DAPK1: variants seen among roughly 807,000 people sequenced by gnomAD.
DAPK1 encodes the protein death-associated protein kinase 1.
DAPK1 carries 56 observed loss-of-function variants against 144.9 expected under a neutral mutation model. The ratio of observed to expected loss-of-function variants is 0.39; its 90% CI spans 0.31 to 0.48. The LOEUF (loss-of-function observed/expected upper bound fraction) is 0.48, where lower values mean the gene tolerates loss of function less well. DAPK1 is among the 20% of genes least tolerant of loss of function. The pLI is 0.95. For missense variants in DAPK1, 1,454 were observed against 1,875.4 expected, an observed-to-expected ratio of 0.78 and a Z score of 4.15; for synonymous variants, 690 against 749.0, an observed-to-expected ratio of 0.92 and a Z score of 1.29.
intron 2 of DAPK1, among the ~76,000 whole-genome samples, chr9:87,542,820 CTCACTG>C (rs1826102567): frequency 1.3e-5 from 2 of 152,214 alleles, no homozygotes; most frequent in Non-Finnish European, 1.5e-5. Context: ...TATGGAACCC[CTCACTG>C]GGCCTTCAGC....
chr9:87,703,179 C>G lies in DAPK1; in HGVS notation c.3022C>G (p.Leu1008Val). The change falls in exon 25 of 26, where the codon CTC (leucine) becomes GTC (valine). Residue 1008 changes from leucine to valine, a missense_variant. Physicochemically the swap from Leu to Val is conservative, Grantham distance 32. Coordinates refer to ENST00000408954, the MANE Select transcript of DAPK1 (RefSeq NM_004938.4). ...GAACCCCCTGGCCAGCGAGGAGGAC[C>G]TCAGGCGCATTGCTCAGCAGCTCCA... The part of the protein sequence containing the change: ...QLNPLASEED[L>V]RRIAQQLHST... 6.2e-7 allele frequency: 1 copy of G among 1,612,848 alleles called. No individual in the cohort carries two copies. Among genetic ancestry groups the G allele is most frequent in the African/African-American group, 1.3e-5 (1 of 75,044 alleles).
chr9:87,637,588 G>A (rs1296331672), intron 3 of DAPK1, among the ~76,000 whole-genome samples: 1 of 152,096 alleles, frequency 6.6e-6, no homozygotes, highest in Non-Finnish European at 1.5e-5. Context: ...TACAAAGCTG[G>A]CTTGCAGATT....
At chr9:87,650,434 A>G (rs938023237) in intron 16 of DAPK1, 3 of 292,812 alleles carry the variant, frequency 1.0e-5, no homozygotes, top group Admixed American at 4.9e-5. Flanking sequence ...TTGAGGACTG[A>G]CATTGGCAAC....
chr9:87,639,101 GT>G (rs1434884577), intron 4 of DAPK1, among the ~76,000 whole-genome samples: 2 of 152,076 alleles, frequency 1.3e-5, no homozygotes, highest in Non-Finnish European at 2.9e-5. Flanking sequence ...TCTGTTTCCT[GT>G]ATCTCCTTTC....
intron 25 of DAPK1, among the ~76,000 whole-genome samples, chr9:87,704,575 C>T (rs779491812): frequency 6.6e-6 from 1 of 152,208 alleles, no homozygotes; most frequent in Non-Finnish European, 1.5e-5. Context: ...TCCCACACTA[C>T]GTTTAGCTGA....
At chr9:87,512,788 G>T (rs1824899199) in intron 2 of DAPK1, among the ~76,000 whole-genome samples, 2 of 152,126 alleles carry the variant, frequency 1.3e-5, no homozygotes, top group African/African-American at 4.8e-5. Context: ...TTACAGGTGT[G>T]TGCCACCATG....
At chr9:87,662,567 T>TTTTTTTTTTTTTTTTTTTG in intron 18 of DAPK1, among the ~76,000 whole-genome samples, 3 of 129,274 alleles carry the variant, frequency 2.3e-5, no homozygotes, top group East Asian at 2.7e-4. Flanking sequence ...CTAGTTTTTT[T>TTTTTTTTTTTTTTTTTTTG]TTTTTTTTTT....
chr9:87,670,669 A>G (rs555767973), intron 19 of DAPK1, among the ~76,000 whole-genome samples: 2 of 152,252 alleles, frequency 1.3e-5, no homozygotes, highest in East Asian at 3.9e-4. Context: ...CAGCTCACAC[A>G]GCGCCAGCAC....
In DAPK1 at chr9:87,509,656, G is replaced by A. The variant is rs571785511; in HGVS notation, c.62+10517G>A. Among the ~76,000 whole-genome samples, 18 of 152,346 alleles carry A rather than the reference G, an allele frequency of 1.2e-4. 1 individual carries two copies. Among genetic ancestry groups the A allele is most frequent in the South Asian group, 4.1e-4 (2 of 4,828 alleles). On this transcript the variant is annotated intron_variant, in intron 2 of 25. Coordinates refer to ENST00000408954, the MANE Select transcript of DAPK1 (RefSeq NM_004938.4). ...ATTACAGGCGTGAGCCACCGCGCCCGGCCATCCTGCCAGCGTTTTCTTCTG... is the reference window on the plus strand; with the variant it reads ...ATTACAGGCGTGAGCCACCGCGCCCAGCCATCCTGCCAGCGTTTTCTTCTG...
intron 2 of DAPK1, among the ~76,000 whole-genome samples, chr9:87,505,203 C>G (rs1490987565): frequency 6.6e-6 from 1 of 152,194 alleles, no homozygotes; most frequent in Admixed American, 6.5e-5. Context: ...AACTTTCATC[C>G]TTCATTCTAG....
At chr9:87,694,803 C>T (rs964217665) in intron 21 of DAPK1, among the ~76,000 whole-genome samples, 1 of 152,140 alleles carries the variant, frequency 6.6e-6, no homozygotes, top group East Asian at 1.9e-4. Flanking sequence ...CATTGGGCTA[C>T]AGAGCAGGAT....
chr9:87,659,948 A>G (rs1172154924), intron 18 of DAPK1, among the ~76,000 whole-genome samples: 1 of 152,186 alleles, frequency 6.6e-6, no homozygotes, highest in Non-Finnish European at 1.5e-5. Flanking sequence ...CCTGAGAGTC[A>G]TAGCCGTCAA....
intron 2 of DAPK1, among the ~76,000 whole-genome samples, chr9:87,597,034 G>A (rs529946438): frequency 3.3e-5 from 5 of 152,144 alleles, no homozygotes; most frequent in Admixed American, 6.5e-5. Context: ...CTGGAGCTGC[G>A]GGCAGGAGCA....
intron 20 of DAPK1, among the ~76,000 whole-genome samples, chr9:87,683,721 G>T (rs1367867306): frequency 6.6e-6 from 1 of 152,176 alleles, no homozygotes; most frequent in African/African-American, 2.4e-5. Context: ...GGGTGGCTCT[G>T]GGTGACCCTT....
At chr9:87,525,065 A>G (rs1825440161) in intron 2 of DAPK1, among the ~76,000 whole-genome samples, 1 of 152,138 alleles carries the variant, frequency 6.6e-6, no homozygotes, top group African/African-American at 2.4e-5. Context: ...AACAGAAACA[A>G]AAACCGAACA....
At chr9:87,554,266 G>A (rs530239482) in intron 2 of DAPK1, 1 of 152,374 alleles carries the variant, frequency 6.6e-6, no homozygotes, top group Non-Finnish European at 1.5e-5. Flanking sequence ...AAGGAAGCCA[G>A]AGGAAGTTAT....
chr9:87,574,063 A>G (rs1333450067), intron 2 of DAPK1, among the ~76,000 whole-genome samples: 1 of 152,220 alleles, frequency 6.6e-6, no homozygotes, highest in Non-Finnish European at 1.5e-5. Context: ...CATGGCCAAG[A>G]TGATTCCTCA....
At chr9:87,691,903 T>C (rs996553927) in intron 21 of DAPK1, among the ~76,000 whole-genome samples, 8 of 151,414 alleles carry the variant, frequency 5.3e-5, no homozygotes, top group South Asian at 4.1e-4. Context: ...TGTCCTGATA[T>C]ATGTTCTATC....
Position 87,658,099 on chromosome 9 carries a change from T to TG in DAPK1, c.1898dup (p.Ala634SerfsTer4). On this transcript the variant is annotated frameshift_variant, in exon 18 of 26. Transcript: ENST00000408954. LOFTEE classifies it high-confidence loss of function. Reference sequence around the variant, plus strand: ...GACGTGGTCCGGTATCTCTGTCTGATGGGAGCCAGCGTTGAGGCGCTGACC... The same window carrying TG: ...GACGTGGTCCGGTATCTCTGTCTGATGGGGAGCCAGCGTTGAGGCGCTGACC... The TG allele has an allele frequency of 6.6e-7, 1 of 1,521,118 alleles. No homozygotes were observed. Among genetic ancestry groups the TG allele is most frequent in the Non-Finnish European group, 9.1e-7 (1 of 1,096,190 alleles). 94.2% of individuals were successfully genotyped at this position (1,521,118 alleles called of 1,614,324 possible). A position where few individuals can be genotyped will look rare whatever the true frequency, so the allele number is the denominator to read the frequency against.
Sources: gnomAD v4.1 joint callset for allele counts (sites outside exome capture counted in the v4.1 genomes callset) on GRCh38, gnomAD v4.1.1 for gene constraint, MANE v1.5 for transcripts, NCBI Gene and HGNC (gene_info 2026-07-23, HGNC 2026-07-21) for gene names.